The following PHF21A variants were observed in gnomAD, a reference collection of about 807,000 sequenced individuals.
The protein encoded by PHF21A is BHC80a.
In PHF21A, 11 loss-of-function variants were observed where a neutral mutation model predicts 82.5. The ratio of observed to expected loss-of-function variants is 0.13; its 90% confidence interval spans 0.08 to 0.22. The LOEUF (loss-of-function observed/expected upper bound fraction) is 0.22. Among genes scored for constraint, PHF21A ranks in the 10% least tolerant of loss-of-function variants. The pLI is 1.00. For missense variants in PHF21A, 579 were observed against 837.8 expected (o/e 0.69, Z 3.81); for synonymous variants, 297 against 302.8 (o/e 0.98, Z 0.20).
intron 15 of PHF21A, among the ~76,000 whole-genome samples, chr11:45,944,513 C>T (rs1591029446): frequency 6.6e-6 from 1 of 152,198 alleles, no homozygotes; most frequent in Non-Finnish European, 1.5e-5. Context: ...AGAACGAAAG[C>T]CACAAAGCCC....
At position 45,958,226 on chromosome 11, in the gene PHF21A, C is replaced by T. The variant is rs140683385; in HGVS notation, c.997-4601G>A. On this transcript the variant is annotated intron_variant, in intron 10 of 18. Transcript: ENST00000676320. Reference sequence around the variant, plus strand: ...AATCTGTCTCAAATTCCAGAAAATACACTCTTAAATCATTCTATGAGGCCA... The same window carrying T: ...AATCTGTCTCAAATTCCAGAAAATATACTCTTAAATCATTCTATGAGGCCA... Among the ~76,000 whole-genome samples the T allele has an allele frequency of 6.7e-4, 100 of 149,754 alleles. 2 individuals are homozygous for T. In the East Asian group the frequency reaches 0.018, roughly 27 times the overall value.
At chr11:45,986,898 T>G (rs981132588) in intron 6 of PHF21A, among the ~76,000 whole-genome samples, 3 of 152,234 alleles carry the variant, frequency 2.0e-5, no homozygotes, top group Non-Finnish European at 4.4e-5. Context: ...TGGCTATTTT[T>G]TTTTTAATGA....
chr11:45,983,854 G>C (rs1281963047), intron 6 of PHF21A, among the ~76,000 whole-genome samples: 1 of 152,058 alleles, frequency 6.6e-6, no homozygotes, highest in Non-Finnish European at 1.5e-5. Flanking sequence ...TAGCTGTGTG[G>C]TATCATCCAA....
Position 45,948,829 on chromosome 11 carries a change from AC to A in PHF21A, c.1288+56del. 9 of 1,239,450 alleles carry A rather than the reference AC, an allele frequency of 7.3e-6. No individual in the cohort carries two copies. The South Asian group carries it at 9.6e-5, about 13-fold the overall frequency. The allele number at this position is 1,239,450 out of a possible 1,614,324, so 76.8% of individuals were successfully genotyped here. On this transcript the variant is annotated intron_variant, in intron 14 of 18. Coordinates refer to ENST00000676320, the MANE Select transcript of PHF21A (RefSeq NM_001352027.3). ...TGATGGGAGGAGGGAAGGAGAAGAA[AC>A]ACACACACAAAGCAAAAGCAACAGC... is the stretch of plus-strand genomic sequence containing the variant.
At chr11:46,110,729 T>G (rs887058688) in intron 1 of PHF21A, among the ~76,000 whole-genome samples, 11 of 152,184 alleles carry the variant, frequency 7.2e-5, no homozygotes. Flanking sequence ...TCAGACCAGA[T>G]TCCATACATT....
At chr11:45,971,042 G>C in intron 8 of PHF21A, 74 bp downstream of exon 8, 1 of 1,498,596 alleles carries the variant, frequency 6.7e-7, no homozygotes, top group African/African-American at 1.4e-5. Flanking sequence ...CAGGAGCCTA[G>C]AAGGGATATA....
At chr11:46,085,888 C>T (rs900816898) in intron 3 of PHF21A, among the ~76,000 whole-genome samples, 1 of 151,858 alleles carries the variant, frequency 6.6e-6, no homozygotes, top group Non-Finnish European at 1.5e-5. Flanking sequence ...AAATCTCTCT[C>T]TCAGGGCTTA....
chr11:45,983,816 G>T (rs2094394365), intron 6 of PHF21A, among the ~76,000 whole-genome samples: 1 of 152,156 alleles, frequency 6.6e-6, no homozygotes, highest in South Asian at 2.1e-4. Context: ...GGCAGCAAGA[G>T]AATACGGCGA....
chr11:46,040,242 T>C (rs540589037), intron 6 of PHF21A, among the ~76,000 whole-genome samples: 2 of 152,278 alleles, frequency 1.3e-5, no homozygotes, highest in East Asian at 1.9e-4. Context: ...TCATTAAACA[T>C]AATGGTCTCA....
intron 6 of PHF21A, among the ~76,000 whole-genome samples, chr11:46,072,687 AGTG>A (rs1192986227): frequency 2.6e-5 from 4 of 152,224 alleles, no homozygotes; most frequent in African/African-American, 9.6e-5. Flanking sequence ...GATTTTGACT[AGTG>A]GAAGGAGTGT....
At chr11:45,996,421 C>G (rs2094910926) in intron 6 of PHF21A, among the ~76,000 whole-genome samples, 1 of 152,180 alleles carries the variant, frequency 6.6e-6, no homozygotes, top group African/African-American at 2.4e-5. Context: ...CAGTAACTCA[C>G]TTAAAAAATA....
At chr11:46,030,028 G>A (rs1264398520) in intron 6 of PHF21A, among the ~76,000 whole-genome samples, 2 of 152,088 alleles carry the variant, frequency 1.3e-5, no homozygotes, top group East Asian at 1.9e-4. Context: ...AGTGTATTAC[G>A]CTCTGTACAA....
chr11:45,946,194 A>C (rs1428039616), intron 14 of PHF21A, 191 bp from the exon 15 acceptor site: 3 of 1,247,710 alleles, frequency 2.4e-6, no homozygotes, highest in African/African-American at 1.5e-5. Flanking sequence ...CATTAGAAAC[A>C]ACTATATGAC....
chr11:45,986,822 G>T (rs1176768295), intron 6 of PHF21A, among the ~76,000 whole-genome samples: 1 of 151,844 alleles, frequency 6.6e-6, no homozygotes, highest in East Asian at 1.9e-4. Flanking sequence ...TATTTCCAAT[G>T]TCAATTATAT....
At chr11:46,024,510 G>A (rs2095699855) in intron 6 of PHF21A, among the ~76,000 whole-genome samples, 1 of 151,930 alleles carries the variant, frequency 6.6e-6, no homozygotes, top group Non-Finnish European at 1.5e-5. Flanking sequence ...AAGACTTAGG[G>A]ACTTTTGGGC....
intron 8 of PHF21A, 24 bp from the exon 9 acceptor site, chr11:45,969,928 A>C: frequency 7.0e-7 from 1 of 1,434,182 alleles, no homozygotes; most frequent in Non-Finnish European, 9.8e-7. Flanking sequence ...AAGATAAATA[A>C]ACCAGAGAGA....
At chr11:46,056,128 C>T (rs905694867) in intron 6 of PHF21A, among the ~76,000 whole-genome samples, 2 of 151,934 alleles carry the variant, frequency 1.3e-5, no homozygotes, top group Non-Finnish European at 2.9e-5. Flanking sequence ...AACAAAATAC[C>T]CTTTATGTAA....
At chr11:46,046,641 G>A (rs982187651) in intron 6 of PHF21A, among the ~76,000 whole-genome samples, 1 of 152,128 alleles carries the variant, frequency 6.6e-6, no homozygotes, top group Non-Finnish European at 1.5e-5. Context: ...TCTGTCAAAA[G>A]GGTTGGTAAT....
intron 16 of PHF21A, among the ~76,000 whole-genome samples, chr11:45,937,634 C>A (rs754419864): frequency 3.3e-5 from 5 of 152,198 alleles, no homozygotes; most frequent in Non-Finnish European, 7.3e-5. Flanking sequence ...GCGCCTGCCA[C>A]CATGCCCGGC....
Sources: allele counts gnomAD v4.1 joint callset (sites outside exome capture counted in the v4.1 genomes callset), GRCh38; gene constraint gnomAD v4.1.1; transcripts MANE v1.5; gene names NCBI Gene and HGNC (gene_info 2026-07-23, HGNC 2026-07-21).